POTEI: variants seen among roughly 807,000 people sequenced by gnomAD.
POTEI encodes POTE ankyrin domain family member I.
Under a neutral mutation model 43.4 loss-of-function variants are expected in POTEI, and 14 were observed. That is an observed-to-expected ratio of 0.32 (90% CI 0.21 to 0.50). POTEI has a LOEUF of 0.50. Among genes scored for constraint, POTEI ranks in the 20% least tolerant of loss-of-function variants. The pLI, the probability that POTEI is intolerant of heterozygous loss-of-function variation, is 0.98. For synonymous variants in POTEI, 95 were observed against 297.9 expected, an observed-to-expected ratio of 0.32 and a Z score of 7.01; for missense variants, 235 against 795.4, an observed-to-expected ratio of 0.30 and a Z score of 8.47.
chr2:130,480,029 C>T (rs866344481), intron 10 of POTEI, among the ~76,000 whole-genome samples: 29 of 50,660 alleles, frequency 5.7e-4, no homozygotes, highest in African/African-American at 2.0e-3. Context: ...AAGTTTTCTC[C>T]CTGTTTAAAA....
chr2:130,507,524 T>C (rs1244782050), intron 1 of POTEI, among the ~76,000 whole-genome samples: 3 of 19,832 alleles, frequency 1.5e-4, no homozygotes, highest in Admixed American at 1.0e-3. Flanking sequence ...TTTTGTGACA[T>C]AAAAATCTAG....
At position 130,496,493 on chromosome 2, in the gene POTEI, C is replaced by T. The variant is rs925340955; in HGVS notation, c.1126+59G>A. The T allele has an allele frequency of 3.2e-6, 4 of 1,236,560 alleles. No homozygotes were observed. In the East Asian group the frequency reaches 1.1e-4, roughly 35 times the overall value. The allele number at this position is 1,236,560 out of a possible 1,614,324, so 76.6% of individuals were successfully genotyped here. ...AAAATTGTCTTCCACAAAACCGGTC[C>T]CTGGTGTCAAAAAGGTTGGGGACAA... On this transcript the variant is annotated intron_variant, in intron 6 of 14. Transcript: ENST00000451531.
rs753902288 is a variant in POTEI, at chr2:130,508,930, G to C, written c.306C>G (p.Cys102Trp). 6.9e-6 allele frequency: 11 copies of C among 1,586,456 alleles called. No individual in the cohort carries two copies. The East Asian group carries it at 2.7e-4, about 38-fold the overall frequency. The change falls in exon 1 of 15, where the codon TGC becomes TGG. Residue 102 changes from cysteine to tryptophan, a missense_variant. Transcript: ENST00000451531. ...KTLRSKMGKW[C>W]CHCFPCCRGS... ...CCCTGCAGCAGGGGAAGCAGTGGCAGCACCACTTGCCCATCTTGCTCCTGA... is the reference window on the plus strand; with the variant it reads ...CCCTGCAGCAGGGGAAGCAGTGGCACCACCACTTGCCCATCTTGCTCCTGA...
chr2:130,509,020 G>T lies in POTEI; in HGVS notation c.216C>A (p.Cys72Ter). 6.6e-7 allele frequency: 1 copy of T among 1,520,262 alleles called. No homozygotes were observed. Among genetic ancestry groups the T allele is most frequent in the Non-Finnish European group, 9.0e-7 (1 of 1,108,792 alleles). The allele number at this position is 1,520,262 out of a possible 1,614,324, so 94.2% of individuals were successfully genotyped here. A position where few individuals can be genotyped will look rare whatever the true frequency, so the allele number is the denominator to read the frequency against. The change falls in exon 1 of 15, where the codon TGC (cysteine) becomes TGA (stop). Residue 72 changes from cysteine to a stop codon, truncating the protein, a stop_gained. Coordinates refer to ENST00000451531, the MANE Select transcript of POTEI (RefSeq NM_001277406.2). LOFTEE classifies it high-confidence loss of function. ...GKWCCHCFPC[C>*]RGSGKSNVGT... ...CCACGTTGCTCTTGCCACTCCCCCT[G>T]CAGCAGGGGAAGCAGTGGCAGCACC...
rs1683313781 is a variant in POTEI, at chr2:130,479,265, C to A, written c.1481-2564G>T. Among the ~76,000 whole-genome samples, 5 of 150,858 alleles carry A rather than the reference C, an allele frequency of 3.3e-5. No individual in the cohort carries two copies. In the South Asian group the frequency reaches 1.0e-3, roughly 32 times the overall value. On this transcript the variant is annotated intron_variant, in intron 10 of 14. Transcript: ENST00000451531. ...AAACTGCCAACTATTAATGTTATTT[C>A]TTACAGGAAAAAAAAATTAAGCAAA...
intron 5 of POTEI, among the ~76,000 whole-genome samples, 174 bp from the exon 6 acceptor site, chr2:130,496,796 A>T (rs1393865696): frequency 7.4e-6 from 1 of 135,264 alleles, no homozygotes; most frequent in Non-Finnish European, 1.6e-5. Context: ...GCTTCTAATT[A>T]AAGACGAAAA....
rs2105136408 is a variant in POTEI at position 130,509,297 on chromosome 2, C to T, written c.-62G>A. 1.4e-6 allele frequency: 1 copy of T among 736,152 alleles called. No homozygotes were observed. The highest frequency in any genetic ancestry group is 1.9e-5 in the South Asian group (1 of 53,106). 45.6% of individuals were successfully genotyped at this position (736,152 alleles called of 1,614,324 possible). On this transcript the variant is annotated 5_prime_UTR_variant, in exon 1 of 15. Coordinates refer to ENST00000451531, the MANE Select transcript of POTEI (RefSeq NM_001277406.2). ...GCAGATCACGTCTACCAACCAGTTTCACCAACTAGCAGGTAACTCCGGGTT... is the reference window on the plus strand; with the variant it reads ...GCAGATCACGTCTACCAACCAGTTTTACCAACTAGCAGGTAACTCCGGGTT...
At chr2:130,479,587 T>C (rs1472995599) in intron 10 of POTEI, among the ~76,000 whole-genome samples, 1 of 63,420 alleles carries the variant, frequency 1.6e-5, no homozygotes. Context: ...TTTGCTTACA[T>C]ATAATCATGG....
chr2:130,474,684 A>T, intron 12 of POTEI, 125 bp from the exon 13 acceptor site: 1 of 706,512 alleles, frequency 1.4e-6, no homozygotes, highest in Non-Finnish European at 2.0e-6. Flanking sequence ...CTAGCATTTT[A>T]TGGCACCATT....
At chr2:130,477,037 A>G (rs1476801991) in intron 10 of POTEI, among the ~76,000 whole-genome samples, 3 of 148,782 alleles carry the variant, frequency 2.0e-5, no homozygotes, top group African/African-American at 7.7e-5. Flanking sequence ...ACTTCCTAAT[A>G]GTACCTTATA....
At chr2:130,492,949 C>T (rs1431964356) in intron 6 of POTEI, among the ~76,000 whole-genome samples, 4 of 151,612 alleles carry the variant, frequency 2.6e-5, no homozygotes, top group Non-Finnish European at 5.9e-5. Flanking sequence ...TACTCACTCT[C>T]AAGTTTATGT....
intron 10 of POTEI, among the ~76,000 whole-genome samples, chr2:130,479,372 G>A (rs1221864763): frequency 2.9e-5 from 4 of 136,922 alleles, no homozygotes; most frequent in African/African-American, 1.1e-4. Flanking sequence ...CACCATGGAC[G>A]GGTGAAAACC....
chr2:130,468,712 G>C (rs1244673749), intron 13 of POTEI, among the ~76,000 whole-genome samples: 5 of 149,348 alleles, frequency 3.3e-5, no homozygotes, highest in South Asian at 4.4e-4. Flanking sequence ...TTGGGGGGGG[G>C]GGTATCCTTA....
In POTEI at chr2:130,461,437, T is replaced by A. The variant is rs1272228496; in HGVS notation, c.*1379A>T. ...CTTCACCCACTGACTAGAAATGTGG[T>A]CAGGGACTGACGTAAACAAGAGTCT... is the stretch of plus-strand genomic sequence containing the variant. On this transcript the variant is annotated 3_prime_UTR_variant, in exon 15 of 15. Transcript: ENST00000451531. The A allele has an allele frequency of 6.6e-6, 1 of 151,974 alleles. No homozygotes were observed. The highest frequency in any genetic ancestry group is 2.4e-5 in the African/African-American group (1 of 41,198). 9.4% of individuals were successfully genotyped at this position (151,974 alleles called of 1,614,324 possible).
chr2:130,468,463 A>AGAAGGG (rs1190732835), intron 13 of POTEI, among the ~76,000 whole-genome samples: 1 of 152,168 alleles, frequency 6.6e-6, no homozygotes, highest in Non-Finnish European at 1.5e-5. Context: ...CAACCATGGT[A>AGAAGGG]GAAGGGGAAG....
Position 130,505,100 on chromosome 2 carries a change from T to C in POTEI, c.522-1206A>G, listed in dbSNP as rs1216301726. ...ACCCTCTGATAGGCCCCAGTGTGTG[T>C]TCCTTCCCTCTAGGTATCTGTGTGT... is the stretch of plus-strand genomic sequence containing the variant. On this transcript the variant is annotated intron_variant, in intron 1 of 14. Transcript: ENST00000451531. 2.8e-4 allele frequency among the ~76,000 whole-genome samples: 42 copies of C among 150,140 alleles called. 2 individuals carry two copies. Among genetic ancestry groups the C allele is most frequent in the African/African-American group, 6.9e-4 (28 of 40,780 alleles).
intron 13 of POTEI, among the ~76,000 whole-genome samples, chr2:130,468,582 C>T (rs1404176947): frequency 2.0e-5 from 3 of 151,844 alleles, no homozygotes; most frequent in Admixed American, 6.6e-5. Flanking sequence ...CACTCACTAT[C>T]ACAAGAACAG....
At chr2:130,470,624 G>A (rs554951570) in intron 13 of POTEI, among the ~76,000 whole-genome samples, 1,027 of 7,690 alleles carry the variant, frequency 0.13, 382 homozygotes, top group South Asian at 0.5. Context: ...AGCCTGACGC[G>A]TCCTGATGAT....
At chr2:130,483,623 C>A in intron 9 of POTEI, among the ~76,000 whole-genome samples, 1 of 101,976 alleles carries the variant, frequency 9.8e-6, no homozygotes, top group East Asian at 3.1e-4. Context: ...GAGACGGAGT[C>A]TTGCTCTGTC....
Sources: allele counts gnomAD v4.1 joint callset (sites outside exome capture counted in the v4.1 genomes callset), GRCh38; gene constraint gnomAD v4.1.1; transcripts MANE v1.5; gene names NCBI Gene and HGNC (gene_info 2026-07-23, HGNC 2026-07-21).